ACSS1: variants seen among roughly 807,000 people sequenced by gnomAD.
The protein encoded by ACSS1 is acyl-CoA synthetase short chain family member 1.
ACSS1 carries 42 observed loss-of-function variants against 75.3 expected under a neutral mutation model. The ratio of observed to expected loss-of-function variants is 0.56; its 90% confidence interval spans 0.44 to 0.72. The LOEUF (loss-of-function observed/expected upper bound fraction) is 0.72. Among genes scored for constraint, ACSS1 ranks in the 30% least tolerant of loss-of-function variants. The pLI is 0.00. For missense variants in ACSS1, 782 were observed against 935.7 expected (o/e 0.84, Z 2.14); for synonymous variants, 380 against 376.8 (o/e 1.01, Z -0.10).
intron 3 of ACSS1, among the ~76,000 whole-genome samples, chr20:25,028,690 G>A (rs1392318387): frequency 6.6e-6 from 1 of 152,224 alleles, no homozygotes; most frequent in African/African-American, 2.4e-5. Context: ...GGGAGGCCGA[G>A]GCGGGCGGAT....
chr20:25,057,782 C>G lies in ACSS1; in HGVS notation c.321G>C (p.Gln107His). 1.3e-6 allele frequency: 2 copies of G among 1,582,720 alleles called. No homozygotes were observed. Among genetic ancestry groups the G allele is most frequent in the Non-Finnish European group, 1.7e-6 (2 of 1,157,766 alleles). Residue 107 changes from glutamine (Q) to histidine (H), a missense_variant, in exon 1 of 14, where the codon CAG becomes CAC. By Grantham distance (24) the Gln-to-His change is conservative (BLOSUM62 0). Around this residue, in one of 2 missense-constraint regions of ACSS1, gnomAD observed 377 missense variants for 383.1 expected, o/e 0.98. Coordinates refer to ENST00000323482, the MANE Select transcript of ACSS1 (RefSeq NM_032501.4). ...AAGCCCACTCACCAGAGACATTTAA[C>G]TGGCCTCCCAGGAACCAGCCGATCT... is the stretch of plus-strand genomic sequence containing the variant. ...TGKIGWFLGG[Q>H]LNVSVNCLDQ...
At chr20:25,009,034 T>G (rs1006469701) in intron 13 of ACSS1, among the ~76,000 whole-genome samples, 20 of 152,202 alleles carry the variant, frequency 1.3e-4, no homozygotes, top group South Asian at 6.2e-4. Flanking sequence ...ATGAGCCCAC[T>G]GAGCATGGAA....
At chr20:25,057,174 T>C (rs59731128) in intron 1 of ACSS1, among the ~76,000 whole-genome samples, 4,364 of 151,448 alleles carry the variant, frequency 0.029, 209 homozygotes, top group African/African-American at 0.1. Flanking sequence ...TTCCTTCCCG[T>C]CCACAGGCCC....
At chr20:25,031,884 TC>T (rs2088829952) in intron 2 of ACSS1, among the ~76,000 whole-genome samples, 1 of 152,120 alleles carries the variant, frequency 6.6e-6, no homozygotes, top group African/African-American at 2.4e-5. Context: ...GTCCCAGATT[TC>T]TGAATCAACA....
At chr20:25,028,966 G>A (rs1420100227) in intron 3 of ACSS1, among the ~76,000 whole-genome samples, 1 of 151,922 alleles carries the variant, frequency 6.6e-6, no homozygotes, top group Non-Finnish European at 1.5e-5. Context: ...CACAGCATTA[G>A]ATTTGGCAAT....
At chr20:25,014,624 G>A (rs990514152) in intron 8 of ACSS1, among the ~76,000 whole-genome samples, 5 of 152,116 alleles carry the variant, frequency 3.3e-5, no homozygotes, top group African/African-American at 7.2e-5. Context: ...GTGGTCTCTC[G>A]CCCCAAGCCT....
At chr20:25,037,491 T>C (rs574079485) in intron 2 of ACSS1, among the ~76,000 whole-genome samples, 116 of 152,322 alleles carry the variant, frequency 7.6e-4, no homozygotes, top group African/African-American at 2.4e-3. Flanking sequence ...CAGGTAATTG[T>C]CTTGATATGT....
intron 2 of ACSS1, chr20:25,046,486 C>T: frequency 2.8e-6 from 1 of 362,128 alleles, no homozygotes; most frequent in Non-Finnish European, 5.2e-6. Context: ...ACCTGCCTGC[C>T]CCAGGGTCCA....
At chr20:25,039,101 C>G (rs979432744) in intron 2 of ACSS1, among the ~76,000 whole-genome samples, 1 of 152,328 alleles carries the variant, frequency 6.6e-6, no homozygotes, top group South Asian at 2.1e-4. Context: ...CAGGGCTGCT[C>G]CCACAGAGCA....
Position 25,024,422 on chromosome 20 carries a change from G to A in ACSS1, c.632-781C>T, listed in dbSNP as rs187601119. Among the ~76,000 whole-genome samples the A allele has an allele frequency of 4.0e-3, 614 of 152,276 alleles. 5 individuals are homozygous for A. Among genetic ancestry groups the A allele is most frequent in the African/African-American group, 0.014 (581 of 41,546 alleles). On this transcript the variant is annotated intron_variant, in intron 3 of 13. Coordinates refer to ENST00000323482, the MANE Select transcript of ACSS1 (RefSeq NM_032501.4). The stretch of plus-strand genomic sequence containing the variant: ...CCCAGAGGGATCACAGCTGCGGGGG[G>A]TTACTACACAGCCCCTCAGGAAGAG...
chr20:25,047,766 C>T (rs543993684), intron 2 of ACSS1, among the ~76,000 whole-genome samples: 2 of 152,174 alleles, frequency 1.3e-5, no homozygotes, highest in East Asian at 1.9e-4. Flanking sequence ...GCATCTGAAG[C>T]ATGCTTGGCA....
intron 2 of ACSS1, among the ~76,000 whole-genome samples, chr20:25,042,943 T>G (rs2089027288): frequency 6.6e-6 from 1 of 152,180 alleles, no homozygotes; most frequent in Non-Finnish European, 1.5e-5. Context: ...GAAGTGTGAC[T>G]GCATTTTGCA....
intron 7 of ACSS1, 125 bp downstream of exon 7, chr20:25,019,885 G>A: frequency 7.2e-7 from 1 of 1,389,130 alleles, no homozygotes; most frequent in Non-Finnish European, 9.8e-7. Flanking sequence ...GATCCGGTCT[G>A]GCATTGCGTG....
At chr20:25,033,086 C>G (rs1301035086) in intron 2 of ACSS1, among the ~76,000 whole-genome samples, 1 of 152,246 alleles carries the variant, frequency 6.6e-6, no homozygotes, top group Non-Finnish European at 1.5e-5. Context: ...CAGAAACACT[C>G]CTGCTACTCC....
chr20:25,033,163 C>T (rs1227707338), intron 2 of ACSS1, among the ~76,000 whole-genome samples: 1 of 152,242 alleles, frequency 6.6e-6, no homozygotes, highest in Non-Finnish European at 1.5e-5. Context: ...CACTCAACAT[C>T]TTCAGCCAGA....
intron 2 of ACSS1, among the ~76,000 whole-genome samples, chr20:25,045,233 T>C (rs1263310230): frequency 2.0e-5 from 3 of 152,198 alleles, no homozygotes; most frequent in Admixed American, 2.0e-4. Flanking sequence ...ATTAGGGAGC[T>C]GCACAAGGTC....
At chr20:25,026,623 C>T (rs1016403573) in intron 3 of ACSS1, among the ~76,000 whole-genome samples, 3 of 152,188 alleles carry the variant, frequency 2.0e-5, no homozygotes, top group Non-Finnish European at 4.4e-5. Context: ...GTCCCACAGA[C>T]CCATGAAATA....
chr20:25,040,113 G>A (rs1324193752), intron 2 of ACSS1, among the ~76,000 whole-genome samples: 1 of 152,022 alleles, frequency 6.6e-6, no homozygotes, highest in Non-Finnish European at 1.5e-5. Context: ...AGGGGTGTAG[G>A]TTTTAACATT....
chr20:25,015,763 T>C (rs2088505847), intron 7 of ACSS1, among the ~76,000 whole-genome samples: 1 of 152,180 alleles, frequency 6.6e-6, no homozygotes, highest in South Asian at 2.1e-4. Flanking sequence ...AAAAAGCCAG[T>C]AAGAATGTGG....
Sources: allele counts gnomAD v4.1 joint callset (sites outside exome capture counted in the v4.1 genomes callset), GRCh38; gene constraint gnomAD v4.1.1; regional missense constraint gnomAD v4.1.1; transcripts MANE v1.5; gene names NCBI Gene and HGNC (gene_info 2026-07-23, HGNC 2026-07-21).